UBE2D1: variants seen among roughly 807,000 people sequenced by gnomAD.
UBE2D1 encodes the protein ubiquitin conjugating enzyme E2 D1, also known as ubiquitin-conjugating enzyme E2 D1.
In UBE2D1, 9 loss-of-function variants were observed where a neutral mutation model predicts 24.6. The ratio of observed to expected loss-of-function variants is 0.37; its 90% CI spans 0.22 to 0.64. The LOEUF (loss-of-function observed/expected upper bound fraction) is 0.64, where lower values mean the gene tolerates loss of function less well. Ranked by LOEUF, UBE2D1 falls within the 30% of genes least tolerant of loss-of-function variation. UBE2D1 has a pLI of 0.64. For missense variants in UBE2D1, 87 were observed against 177.1 expected (o/e 0.49, Z 2.89); for synonymous variants, 57 against 57.6 (o/e 0.99, Z 0.04).
intron 1 of UBE2D1, among the ~76,000 whole-genome samples, chr10:58,338,931 T>A (rs1021520266): frequency 1.3e-5 from 2 of 152,226 alleles, no homozygotes; most frequent in Non-Finnish European, 2.9e-5. Flanking sequence ...ATAATCAATG[T>A]AATCTGAAAC....
At chr10:58,346,602 T>G (rs1840020007) in intron 1 of UBE2D1, among the ~76,000 whole-genome samples, 1 of 152,120 alleles carries the variant, frequency 6.6e-6, no homozygotes, top group Admixed American at 6.5e-5. Flanking sequence ...TGTTTGCAAC[T>G]AAAGGCAAGA....
At chr10:58,337,377 T>C (rs1215000132) in intron 1 of UBE2D1, among the ~76,000 whole-genome samples, 1 of 152,144 alleles carries the variant, frequency 6.6e-6, no homozygotes, top group Non-Finnish European at 1.5e-5. Flanking sequence ...CCTCCTCCTT[T>C]ACCTACCTCC....
chr10:58,370,672 AAAAC>A lies in UBE2D1; in HGVS notation c.*1910_*1913del, dbSNP rs1249448486. 1 of 152,478 alleles carries A rather than the reference AAAAC, an allele frequency of 6.6e-6. No individual in the cohort carries two copies. Among genetic ancestry groups the A allele is most frequent in the Non-Finnish European group, 1.5e-5 (1 of 67,962 alleles). 9.4% of individuals were successfully genotyped at this position (152,478 alleles called of 1,614,324 possible). ...ATATCTTCACTTTAAACAAAAAAAA[AAAAC>A]AACTTTCATTTGTGTGGCATTTATT... On this transcript the variant is annotated 3_prime_UTR_variant, in exon 7 of 7. Transcript: ENST00000373910.
intron 1 of UBE2D1, among the ~76,000 whole-genome samples, chr10:58,344,826 A>G (rs1339309258): frequency 1.3e-5 from 2 of 149,970 alleles, no homozygotes; most frequent in East Asian, 3.9e-4. Flanking sequence ...GACAACTGCC[A>G]TACACAGCTG....
At chr10:58,350,268 C>T (rs1431295477) in intron 1 of UBE2D1, among the ~76,000 whole-genome samples, 3 of 152,160 alleles carry the variant, frequency 2.0e-5, no homozygotes, top group Admixed American at 1.3e-4. Context: ...CAAATCTTTG[C>T]CAACACTTGT....
intron 1 of UBE2D1, chr10:58,360,847 C>A (rs1840188179): frequency 5.0e-6 from 2 of 400,190 alleles, no homozygotes; most frequent in South Asian, 3.7e-5. Flanking sequence ...ATCGCTTAGG[C>A]CCAGGAGGTT....
intron 1 of UBE2D1, among the ~76,000 whole-genome samples, chr10:58,345,189 G>T (rs1490153339): frequency 6.6e-6 from 1 of 152,064 alleles, no homozygotes; most frequent in African/African-American, 2.4e-5. Context: ...TTAAGATTCA[G>T]TGCTGGGCAC....
intron 1 of UBE2D1, among the ~76,000 whole-genome samples, chr10:58,343,711 A>T (rs1839986520): frequency 6.6e-6 from 1 of 152,234 alleles, no homozygotes; most frequent in South Asian, 2.1e-4. Flanking sequence ...TTAGTGACTG[A>T]TGTACAACCA....
intron 1 of UBE2D1, among the ~76,000 whole-genome samples, chr10:58,336,550 C>G (rs1050633435): frequency 2.0e-5 from 3 of 152,146 alleles, no homozygotes; most frequent in Admixed American, 2.0e-4. Flanking sequence ...AAGGTCATCT[C>G]ATTGTAAAAC....
intron 5 of UBE2D1, among the ~76,000 whole-genome samples, chr10:58,366,660 T>C (rs1840258788): frequency 6.6e-6 from 1 of 152,196 alleles, no homozygotes; most frequent in South Asian, 2.1e-4. Flanking sequence ...CCCAGGCTGG[T>C]CTCAAACTCC....
chr10:58,367,561 T>C (rs1186609996), intron 5 of UBE2D1, among the ~76,000 whole-genome samples: 3 of 152,160 alleles, frequency 2.0e-5, no homozygotes, highest in Non-Finnish European at 4.4e-5. Flanking sequence ...ATGAGCACAG[T>C]ATCCAAAATG....
At chr10:58,354,813 C>T (rs113801114) in intron 1 of UBE2D1, among the ~76,000 whole-genome samples, 7,359 of 151,756 alleles carry the variant, frequency 0.048, 346 homozygotes, top group African/African-American at 0.12. Flanking sequence ...CCAGCCTGGG[C>T]GACAGAGCAA....
chr10:58,366,821 A>T (rs1486757884), intron 5 of UBE2D1, among the ~76,000 whole-genome samples: 2 of 151,926 alleles, frequency 1.3e-5, no homozygotes, highest in Non-Finnish European at 2.9e-5. Flanking sequence ...AAGCTCAAGG[A>T]TTCTTCCACC....
chr10:58,350,843 A>C (rs1840067885), intron 1 of UBE2D1, among the ~76,000 whole-genome samples: 1 of 152,316 alleles, frequency 6.6e-6, no homozygotes, highest in Non-Finnish European at 1.5e-5. Flanking sequence ...GTGTACTTAC[A>C]CAAACCTAGA....
At chr10:58,335,411 G>A (rs1839891673) in intron 1 of UBE2D1, among the ~76,000 whole-genome samples, 186 bp downstream of exon 1, 1 of 152,244 alleles carries the variant, frequency 6.6e-6, no homozygotes, top group African/African-American at 2.4e-5. Context: ...AGCAGGGTCA[G>A]GTCCCAGGCG....
chr10:58,359,478 A>G (rs376787375), intron 1 of UBE2D1, among the ~76,000 whole-genome samples: 8 of 152,146 alleles, frequency 5.3e-5, no homozygotes, highest in South Asian at 2.1e-4. Flanking sequence ...TCCAATTTCT[A>G]TCCTTTTTTA....
chr10:58,369,008 C>T lies in UBE2D1; in HGVS notation c.*243C>T, dbSNP rs1357542126. 9.1e-5 allele frequency: 25 copies of T among 275,256 alleles called. No individual in the cohort carries two copies. The East Asian group carries it at 1.4e-3, about 15-fold the overall frequency. 17.1% of individuals were successfully genotyped at this position (275,256 alleles called of 1,614,324 possible). ...GACATTTATTATGGTTTTTAAGATA[C>T]TTGGACATCTGCATCTTCAGCTTAC... is the stretch of plus-strand genomic sequence containing the variant. On this transcript the variant is annotated 3_prime_UTR_variant, in exon 7 of 7. Transcript: ENST00000373910.
At chr10:58,346,751 G>A (rs1487260758) in intron 1 of UBE2D1, among the ~76,000 whole-genome samples, 23 of 152,132 alleles carry the variant, frequency 1.5e-4, no homozygotes, top group Admixed American at 1.3e-3. Context: ...GGAAAACATC[G>A]AAGAGGTTTG....
chr10:58,358,957 A>C (rs1456597460), intron 1 of UBE2D1, among the ~76,000 whole-genome samples: 2 of 150,828 alleles, frequency 1.3e-5, no homozygotes, highest in Non-Finnish European at 3.0e-5. Context: ...TGGACCAAAG[A>C]AGCAGCTAAC....
Sources: allele counts gnomAD v4.1 joint callset (sites outside exome capture counted in the v4.1 genomes callset), GRCh38; gene constraint gnomAD v4.1.1; transcripts MANE v1.5; gene names NCBI Gene and HGNC (gene_info 2026-07-23, HGNC 2026-07-21).